The following SORL1 variants were observed in gnomAD, a reference collection of about 807,000 sequenced individuals.
SORL1 encodes sortilin-related receptor.
SORL1 carries 127 observed loss-of-function variants against 273.7 expected under a neutral mutation model. That is an observed-to-expected ratio of 0.46 (90% confidence interval 0.40 to 0.54). The LOEUF is 0.54. Ranked by LOEUF, SORL1 falls within the 20% of genes least tolerant of loss-of-function variation. The pLI is 0.00. For synonymous variants in SORL1, 1,031 were observed against 1,067.4 expected (o/e 0.97, Z 0.66); for missense variants, 2,494 against 2,846.1 (o/e 0.88, Z 2.81).
rs763239977 is a variant in SORL1, at chr11:121,559,653, C to T, written c.3045C>T (p.Asn1015=). 3.1e-5 allele frequency: 50 copies of T among 1,613,980 alleles called. 1 individual carries two copies. The South Asian group carries it at 5.3e-4, about 17-fold the overall frequency. Reference sequence around the variant, plus strand: ...TGAAGATTTTCTACAAGGGGAAGAACACTGGTAAGCCAGAGTCTCTTCTTT... The same window carrying T: ...TGAAGATTTTCTACAAGGGGAAGAATACTGGTAAGCCAGAGTCTCTTCTTT... ...MDMKIFYKGK[N]TGSNACVPRP... Residue 1015 remains asparagine, a synonymous_variant, in exon 21 of 48, where the codon AAC becomes AAT. Coordinates refer to ENST00000260197, the MANE Select transcript of SORL1 (RefSeq NM_003105.6).
intron 14 of SORL1, 71 bp from the exon 15 acceptor site, chr11:121,549,889 A>C (rs1260917751): frequency 6.9e-7 from 1 of 1,454,234 alleles, no homozygotes; most frequent in African/African-American, 1.4e-5. Context: ...AGGTAAAGTC[A>C]GCAGAATTGG....
chr11:121,477,529 C>T (rs996665905), intron 2 of SORL1, among the ~76,000 whole-genome samples: 6 of 152,228 alleles, frequency 3.9e-5, no homozygotes, highest in Non-Finnish European at 8.8e-5. Flanking sequence ...GTCTCCTGCT[C>T]CAGGGACTTG....
At chr11:121,474,388 CT>C (rs1861226673) in intron 2 of SORL1, among the ~76,000 whole-genome samples, 1 of 152,192 alleles carries the variant, frequency 6.6e-6, no homozygotes, top group South Asian at 2.1e-4. Context: ...GAGAACATTG[CT>C]GTAAAGTACT....
intron 40 of SORL1, chr11:121,614,521 C>G (rs182534433): frequency 4.0e-4 from 83 of 208,878 alleles, no homozygotes; most frequent in Middle Eastern, 1.6e-3. Context: ...CCTTGTTAAA[C>G]ACACTTTTGA....
intron 1 of SORL1, among the ~76,000 whole-genome samples, chr11:121,453,397 T>C (rs1335486390): frequency 1.3e-5 from 2 of 152,216 alleles, no homozygotes; most frequent in Non-Finnish European, 2.9e-5. Context: ...TCAGACTTAC[T>C]GCGAGGAATT....
At position 121,627,738 on chromosome 11, in the gene SORL1, C is replaced by A; in HGVS notation, c.6548C>A (p.Ser2183Tyr). The A allele has an allele frequency of 1.2e-6, 2 of 1,613,972 alleles. No individual in the cohort carries two copies. Among genetic ancestry groups the A allele is most frequent in the Non-Finnish European group, 1.7e-6 (2 of 1,179,968 alleles). ...ANSHYSSRLG[S>Y]AIFSSGDDLG... ...AGCCACTACAGCTCCAGGCTGGGGT[C>A]CGCAATCTTCTCCTCTGGGGATGAC... Residue 2183 changes from serine (S) to tyrosine (Y), a missense_variant, in exon 47 of 48, where the codon TCC becomes TAC. By Grantham distance (144) the Ser-to-Tyr change is moderately radical. Transcript: ENST00000260197. This position sits in a 1 kb window ranked among gnomAD's most constrained non-coding sequence, Gnocchi z 4.9.
intron 13 of SORL1, 128 bp from the exon 14 acceptor site, chr11:121,545,115 T>G (rs1001035149): frequency 5.2e-6 from 4 of 762,606 alleles, no homozygotes; most frequent in South Asian, 1.7e-5. Flanking sequence ...GATTGGAGGG[T>G]CTGTGTGCTT....
intron 16 of SORL1, among the ~76,000 whole-genome samples, chr11:121,552,449 T>C (rs772229172): frequency 2.6e-5 from 4 of 152,124 alleles, no homozygotes; most frequent in Admixed American, 1.3e-4. Flanking sequence ...ATTAGTTTCT[T>C]AGAGGAAAAA....
chr11:121,588,033 G>A lies in SORL1; in HGVS notation c.3828G>A (p.Thr1276=), dbSNP rs536340053. 2.0e-5 allele frequency: 32 copies of A among 1,613,142 alleles called. No individual in the cohort carries two copies. Among genetic ancestry groups the A allele is most frequent in the South Asian group, 1.5e-4 (14 of 91,036 alleles). ...SDEQHCEPLC[T]HFMDFVCKNR... is the part of the protein sequence containing the mutation. ...GATCCCTTACAGAGCCCCTCTGTAC[G>A]CACTTCATGGACTTTGTGTGTAAGA... The change falls in exon 28 of 48, where the codon ACG becomes ACA. Residue 1276 remains threonine, a synonymous_variant. Transcript: ENST00000260197.
chr11:121,614,189 G>T (rs1863608415), intron 40 of SORL1: 1 of 152,146 alleles, frequency 6.6e-6, no homozygotes, highest in Admixed American at 6.5e-5. Context: ...AGAAAATTGA[G>T]AGAACAAAAA....
chr11:121,559,367 G>A lies in SORL1; in HGVS notation c.2911-152G>A, dbSNP rs942682734. 4 of 739,612 alleles carry A rather than the reference G, an allele frequency of 5.4e-6. No homozygotes were observed. The African/African-American group carries it at 7.2e-5, about 13-fold the overall frequency. The allele number at this position is 739,612 out of a possible 1,614,324, so 45.8% of individuals were successfully genotyped here. A position where few individuals can be genotyped will look rare whatever the true frequency, so the allele number is the denominator to read the frequency against. ...TATATGGTGAGGTTTGGATAAAATT[G>A]CTGTCCTTTGCATTTAAGTAGAATC... is the stretch of plus-strand genomic sequence containing the variant. On this transcript the variant is annotated intron_variant, in intron 20 of 47. Coordinates refer to ENST00000260197, the MANE Select transcript of SORL1 (RefSeq NM_003105.6).
chr11:121,534,228 C>T (rs556924555), intron 12 of SORL1, among the ~76,000 whole-genome samples: 13 of 152,290 alleles, frequency 8.5e-5, no homozygotes, highest in Non-Finnish European at 1.0e-4. Context: ...AGTCAGTTCT[C>T]GATTTGCCTT....
rs139325381 is a variant in SORL1, at chr11:121,572,933, G to A, written c.3338-1308G>A. Among the ~76,000 whole-genome samples, 98 of 152,290 alleles carry A rather than the reference G, an allele frequency of 6.4e-4. 1 individual carries two copies. Among genetic ancestry groups the A allele is most frequent in the South Asian group, 4.4e-3 (21 of 4,826 alleles). On this transcript the variant is annotated intron_variant, in intron 23 of 47. Transcript: ENST00000260197. ...TGTCTAACGGCAGCATTGCTATTTG[G>A]CATTTCGTGCACGACAACCCCTCCC...
intron 38 of SORL1, chr11:121,609,671 A>G (rs1451062210): frequency 6.6e-6 from 1 of 152,250 alleles, no homozygotes; most frequent in Non-Finnish European, 1.5e-5. Context: ...ACATAGTATC[A>G]TAATAACGTT....
chr11:121,588,963 T>C (rs564310527), intron 28 of SORL1, among the ~76,000 whole-genome samples: 44 of 152,322 alleles, frequency 2.9e-4, no homozygotes, highest in South Asian at 1.9e-3. Context: ...TTCAAGCCCT[T>C]ATCTCTAAAT....
chr11:121,476,822 C>T (rs1861276556), intron 2 of SORL1, among the ~76,000 whole-genome samples: 1 of 145,110 alleles, frequency 6.9e-6, no homozygotes, highest in African/African-American at 2.5e-5. Flanking sequence ...CTTCCTTCCT[C>T]GCTCTGTCAC....
intron 25 of SORL1, among the ~76,000 whole-genome samples, chr11:121,579,988 C>A (rs1397362507): frequency 6.6e-6 from 1 of 151,848 alleles, no homozygotes. Context: ...TCTTCCATTT[C>A]TTCCTGGCCT....
chr11:121,592,012 T>C (rs1863223325), intron 31 of SORL1, among the ~76,000 whole-genome samples: 1 of 152,194 alleles, frequency 6.6e-6, no homozygotes, highest in Non-Finnish European at 1.5e-5. Flanking sequence ...TGTTCTCCTG[T>C]CTAGAAGATC....
At position 121,625,100 on chromosome 11, in the gene SORL1, A is replaced by G. The variant is rs1250996694; in HGVS notation, c.6187A>G (p.Met2063Val). 8 of 1,611,988 alleles carry G rather than the reference A, an allele frequency of 5.0e-6. No homozygotes were observed. Among genetic ancestry groups the G allele is most frequent in the Middle Eastern group, 3.3e-4 (2 of 6,056 alleles). ...FNESRGYEIH[M>V]FDSAMNITAY... ...TTGTTTTCAGGGCTATGAGATACAC[A>G]TGTTTGATAGTGCCATGAATATCAC... Residue 2063 changes from methionine (M) to valine (V), a missense_variant, in exon 46 of 48, where the codon ATG becomes GTG. Coordinates refer to ENST00000260197, the MANE Select transcript of SORL1 (RefSeq NM_003105.6).
Sources: allele counts gnomAD v4.1 joint callset (sites outside exome capture counted in the v4.1 genomes callset), GRCh38; gene constraint gnomAD v4.1.1; non-coding constraint Gnocchi (gnomAD v3.1); transcripts MANE v1.5; gene names NCBI Gene and HGNC (gene_info 2026-07-23, HGNC 2026-07-21).